The following PTPN22 variants were observed in gnomAD, a reference collection of about 807,000 sequenced individuals.
PTPN22 encodes tyrosine-protein phosphatase non-receptor type 22.
In PTPN22, 85 loss-of-function variants were observed where a neutral mutation model predicts 103.3. That is an observed-to-expected ratio of 0.82 (90% CI 0.69 to 0.99). The LOEUF (loss-of-function observed/expected upper bound fraction) is 0.99, where lower values mean the gene tolerates loss of function less well. Ranked by LOEUF, PTPN22 falls within the 50% of genes least tolerant of loss-of-function variation. The probability of loss-of-function intolerance (pLI) is 0.00; values close to 1 mark genes in which losing one functional copy is unlikely to be tolerated. For missense variants in PTPN22, 865 were observed against 936.9 expected, an observed-to-expected ratio of 0.92 and a Z score of 1.00; for synonymous variants, 323 against 310.2, an observed-to-expected ratio of 1.04 and a Z score of -0.43.
intron 18 of PTPN22, among the ~76,000 whole-genome samples, chr1:113,826,557 G>C (rs926848793): frequency 6.6e-6 from 1 of 151,250 alleles, no homozygotes; most frequent in Admixed American, 6.6e-5. Context: ...TTCCATTCTA[G>C]CCAAGAATTT....
chr1:113,823,840 T>A (rs1012051855), intron 19 of PTPN22, among the ~76,000 whole-genome samples: 9 of 152,232 alleles, frequency 5.9e-5, no homozygotes, highest in African/African-American at 2.2e-4. Flanking sequence ...AAGGTATGTT[T>A]TCCAACTATA....
At chr1:113,867,724 T>C (rs941268384) in intron 1 of PTPN22, among the ~76,000 whole-genome samples, 4 of 152,220 alleles carry the variant, frequency 2.6e-5, no homozygotes, top group Admixed American at 2.6e-4. Context: ...AAACCTTAGA[T>C]GGGTGGTCAG....
chr1:113,860,264 T>C (rs1304538705), intron 1 of PTPN22, among the ~76,000 whole-genome samples: 1 of 152,218 alleles, frequency 6.6e-6, no homozygotes, highest in Non-Finnish European at 1.5e-5. Context: ...TACTGTAGAT[T>C]ATCATAATTG....
At chr1:113,824,548 T>C (rs754114189) in intron 19 of PTPN22, among the ~76,000 whole-genome samples, 2 of 152,326 alleles carry the variant, frequency 1.3e-5, no homozygotes, top group Non-Finnish European at 2.9e-5. Flanking sequence ...TTAGTAAAAA[T>C]GGAAATGTGT....
At chr1:113,842,360 T>G (rs1369140285) in intron 11 of PTPN22, among the ~76,000 whole-genome samples, 1 of 152,102 alleles carries the variant, frequency 6.6e-6, no homozygotes. Flanking sequence ...ACTTCACACC[T>G]AATTAGGATG....
chr1:113,843,547 G>T (rs1214328389), intron 11 of PTPN22, among the ~76,000 whole-genome samples: 1 of 152,124 alleles, frequency 6.6e-6, no homozygotes, highest in Non-Finnish European at 1.5e-5. Context: ...AGAATAGGGA[G>T]TTATTGTTTA....
At chr1:113,862,000 A>G (rs1330530404) in intron 1 of PTPN22, among the ~76,000 whole-genome samples, 1 of 151,538 alleles carries the variant, frequency 6.6e-6, no homozygotes, top group Admixed American at 6.6e-5. Flanking sequence ...AAGTGAAGAG[A>G]CTGGGTGCGG....
At chr1:113,824,348 C>G (rs916582436) in intron 19 of PTPN22, among the ~76,000 whole-genome samples, 1 of 152,168 alleles carries the variant, frequency 6.6e-6, no homozygotes, top group Non-Finnish European at 1.5e-5. Flanking sequence ...GATCCACCTG[C>G]CTCGGCCTCC....
chr1:113,843,331 A>G (rs971346826), intron 11 of PTPN22, among the ~76,000 whole-genome samples: 1 of 152,028 alleles, frequency 6.6e-6, no homozygotes, highest in African/African-American at 2.4e-5. Flanking sequence ...ATAAACATAT[A>G]CAATGGAATA....
chr1:113,841,037 C>T (rs1275953072), intron 11 of PTPN22, among the ~76,000 whole-genome samples: 9 of 152,074 alleles, frequency 5.9e-5, no homozygotes, highest in Non-Finnish European at 1.3e-4. Context: ...CCAGCCTGAC[C>T]AACATGGAGA....
rs1665205782 is a variant in PTPN22, at chr1:113,857,779, G to T, written c.370-3C>A. On this transcript the variant is annotated splice_polypyrimidine_tract_variant and splice_region_variant and intron_variant, in intron 4 of 20. Coordinates refer to ENST00000359785, the Ensembl canonical transcript of PTPN22. Reference sequence around the variant, plus strand: ...TCCATGCATGCCATAACAATGATCTGGGGGATGAAATAGATAGAAACTTAA... The same window carrying T: ...TCCATGCATGCCATAACAATGATCTTGGGGATGAAATAGATAGAAACTTAA... 5.0e-6 allele frequency: 8 copies of T among 1,607,708 alleles called. No individual in the cohort carries two copies. The highest frequency in any genetic ancestry group is 6.8e-6 in the Non-Finnish European group (8 of 1,176,464).
chr1:113,852,366 G>A (rs17031935), intron 9 of PTPN22, among the ~76,000 whole-genome samples: 80 of 152,246 alleles, frequency 5.3e-4, no homozygotes, highest in African/African-American at 1.6e-3. Context: ...TAGATATAAC[G>A]AGGGACAGGA....
intron 1 of PTPN22, among the ~76,000 whole-genome samples, chr1:113,860,346 A>T (rs1665458899): frequency 6.6e-6 from 1 of 152,142 alleles, no homozygotes; most frequent in Non-Finnish European, 1.5e-5. Context: ...TTAATTATAG[A>T]TATGTATGTA....
chr1:113,871,576 G>A (rs74163639), exon 1 of PTPN22: 27 of 1,613,852 alleles, frequency 1.7e-5, no homozygotes, highest in Non-Finnish European at 2.1e-5. Context: ...TAATTTTCTT[G>A]CTTTGGGCCT....
At chr1:113,841,292 A>T (rs1663525798) in intron 11 of PTPN22, among the ~76,000 whole-genome samples, 1 of 152,180 alleles carries the variant, frequency 6.6e-6, no homozygotes, top group South Asian at 2.1e-4. Flanking sequence ...TTAACTCAAA[A>T]ATTGATCAAA....
chr1:113,866,897 G>A (rs1028431712), intron 1 of PTPN22, among the ~76,000 whole-genome samples: 1 of 151,988 alleles, frequency 6.6e-6, no homozygotes, highest in African/African-American at 2.4e-5. Flanking sequence ...ACAGGCATGT[G>A]CCACCACTTC....
chr1:113,854,859 C>CT, intron 8 of PTPN22, 48 bp downstream of exon 8: 1 of 1,580,562 alleles, frequency 6.3e-7, no homozygotes, highest in Non-Finnish European at 8.6e-7. Flanking sequence ...TGGCCAGACT[C>CT]TGACATTTGG....
rs140523132 is a variant in PTPN22, at chr1:113,824,370, G to A, written c.2281+772C>T. On this transcript the variant is annotated intron_variant, in intron 19 of 20. Transcript: ENST00000359785. The stretch of plus-strand genomic sequence containing the variant: ...CTGCCTCGGCCTCCCAAAGTGCTGG[G>A]ATTATAGGCATGAGCCACCACACCC... 9.8e-3 allele frequency among the ~76,000 whole-genome samples: 1,489 copies of A among 152,136 alleles called. 23 individuals carry two copies. The highest frequency in any genetic ancestry group is 0.033 in the African/African-American group (1,388 of 41,492).
chr1:113,827,525 T>C (rs1662194042), intron 18 of PTPN22, among the ~76,000 whole-genome samples: 1 of 152,190 alleles, frequency 6.6e-6, no homozygotes, highest in Non-Finnish European at 1.5e-5. Flanking sequence ...AGTATTCCAT[T>C]TGTATGGATA....
Sources: allele counts gnomAD v4.1 joint callset (sites outside exome capture counted in the v4.1 genomes callset), GRCh38; gene constraint gnomAD v4.1.1; transcripts MANE v1.5; gene names NCBI Gene and HGNC (gene_info 2026-07-23, HGNC 2026-07-21).